The following LAMP1 variants were observed in gnomAD, a reference collection of about 807,000 sequenced individuals.
LAMP1 encodes the protein lysosome associated membrane protein 1.
LAMP1 carries 7 observed loss-of-function variants against 37.5 expected under a neutral mutation model. That is an observed-to-expected ratio of 0.19 (90% CI 0.11 to 0.35). LAMP1 has a LOEUF of 0.35. Ranked by LOEUF, LAMP1 falls within the 10% of genes least tolerant of loss-of-function variation. The probability of loss-of-function intolerance (pLI) is 1.00; values close to 1 mark genes in which losing one functional copy is unlikely to be tolerated. For missense variants in LAMP1, 537 were observed against 552.8 expected (o/e 0.97, Z 0.29); for synonymous variants, 236 against 229.1 (o/e 1.03, Z -0.27).
rs548759649 is a variant in LAMP1 at position 113,306,271 on chromosome 13, T to G, written c.62-214T>G. On this transcript the variant is annotated intron_variant, in intron 1 of 8. Coordinates refer to ENST00000332556, the MANE Select transcript of LAMP1 (RefSeq NM_005561.4). ...ACTTGGGAGGCTGAGGCAGGAGAAT[T>G]GCTTGAACCTGGGAGGTGGAGGTTG... The G allele has an allele frequency of 9.3e-5, 33 of 353,386 alleles. No homozygotes were observed. The South Asian group carries it at 1.1e-3, about 11-fold the overall frequency. The allele number at this position is 353,386 out of a possible 1,614,324, so 21.9% of individuals were successfully genotyped here. A position where few individuals can be genotyped will look rare whatever the true frequency, so the allele number is the denominator to read the frequency against.
rs1012169581 is a variant in LAMP1, at chr13:113,316,419, T to G, written c.563-3050T>G. ...GTCTCATCTCCCACCCAATTTGGCA[T>G]GATTTTTTTTTTTTTTTTTTGAGGC... is the stretch of plus-strand genomic sequence containing the variant. On this transcript the variant is annotated intron_variant, in intron 4 of 8. Transcript: ENST00000332556. Among the ~76,000 whole-genome samples the G allele has an allele frequency of 6.2e-5, 6 of 96,262 alleles. 1 individual carries two copies. The highest frequency in any genetic ancestry group is 1.7e-4 in the Admixed American group (1 of 6,014). The allele number at this position is 96,262 out of a possible 152,430, so 63.2% of individuals were successfully genotyped here.
chr13:113,321,767 A>T lies in LAMP1; in HGVS notation c.1114+40A>T, dbSNP rs1206614599. ...GGGCAGCTGTCGCGGGGTGTGGAGG[A>T]CGTGCTTCAGACTCCGCCTGTGGAC... On this transcript the variant is annotated intron_variant, in intron 8 of 8. Coordinates refer to ENST00000332556, the MANE Select transcript of LAMP1 (RefSeq NM_005561.4). The surrounding 1 kb of genome is among the most constrained non-coding windows in gnomAD (Gnocchi z 5.6). The T allele has an allele frequency of 1.2e-6, 2 of 1,601,646 alleles. No individual in the cohort carries two copies. Among genetic ancestry groups the T allele is most frequent in the Non-Finnish European group, 1.7e-6 (2 of 1,173,456 alleles).
intron 4 of LAMP1, among the ~76,000 whole-genome samples, chr13:113,316,217 C>A (rs1466888095): frequency 6.6e-6 from 1 of 152,144 alleles, no homozygotes; most frequent in Admixed American, 6.5e-5. Context: ...CCAGCCCAGG[C>A]CCATATGGGG....
intron 4 of LAMP1, 77 bp downstream of exon 4, chr13:113,310,944 C>T: frequency 1.6e-6 from 2 of 1,240,980 alleles, no homozygotes; most frequent in Non-Finnish European, 2.3e-6. Flanking sequence ...GACCTCACTG[C>T]TCTGTGTCCT....
At chr13:113,306,787 CA>C (rs1335961649) in intron 2 of LAMP1, among the ~76,000 whole-genome samples, 181 bp downstream of exon 2, 1 of 144,788 alleles carries the variant, frequency 6.9e-6, no homozygotes, top group African/African-American at 2.5e-5. Flanking sequence ...GGCACAGTAA[CA>C]AACCTGTATA....
At chr13:113,310,352 C>T (rs569160898) in intron 3 of LAMP1, among the ~76,000 whole-genome samples, 1 of 151,644 alleles carries the variant, frequency 6.6e-6, no homozygotes. Flanking sequence ...ATGGTGAAAC[C>T]CCCTCTCTAC....
In LAMP1 at chr13:113,320,322, ACTTG is replaced by A. The variant is rs1193975227; in HGVS notation, c.751-14_751-11del. 1 of 1,613,824 alleles carries A rather than the reference ACTTG, an allele frequency of 6.2e-7. No individual in the cohort carries two copies. Among genetic ancestry groups the A allele is most frequent in the Admixed American group, 1.7e-5 (1 of 59,998 alleles). ...GTGGAGGACCTGAGCTAGGGTGGTG[ACTTG>A]CTTGCTTGTCTTATGCAGACGGTGA... On this transcript the variant is annotated intron_variant, in intron 5 of 8. Coordinates refer to ENST00000332556, the MANE Select transcript of LAMP1 (RefSeq NM_005561.4). This position sits in a 1 kb window ranked among gnomAD's most constrained non-coding sequence, Gnocchi z 4.4.
chr13:113,304,221 A>G (rs1212637189), intron 1 of LAMP1, among the ~76,000 whole-genome samples: 1 of 152,242 alleles, frequency 6.6e-6, no homozygotes, highest in East Asian at 1.9e-4. Flanking sequence ...CAGCTTAATA[A>G]AAGCCAGCCT....
chr13:113,319,794 C>G (rs1422175912), intron 5 of LAMP1, 138 bp downstream of exon 5: 1 of 789,896 alleles, frequency 1.3e-6, no homozygotes, highest in African/African-American at 1.7e-5. Flanking sequence ...GGACGTGACC[C>G]TAGAGGACAA....
intron 4 of LAMP1, among the ~76,000 whole-genome samples, chr13:113,318,487 TAAAA>T (rs1446140382): frequency 6.6e-6 from 1 of 152,024 alleles, no homozygotes; most frequent in Non-Finnish European, 1.5e-5. Context: ...AACAAGGTGG[TAAAA>T]GAAAGAACCT....
chr13:113,302,467 G>A (rs1198149381), intron 1 of LAMP1, among the ~76,000 whole-genome samples: 1 of 152,254 alleles, frequency 6.6e-6, no homozygotes, highest in Non-Finnish European at 1.5e-5. Flanking sequence ...TGGGATTACA[G>A]GCTGGGATTA....
intron 4 of LAMP1, 78 bp downstream of exon 4, chr13:113,310,945 T>C (rs1283240551): frequency 7.3e-6 from 9 of 1,234,514 alleles, no homozygotes; most frequent in Middle Eastern, 4.4e-4. Flanking sequence ...ACCTCACTGC[T>C]CTGTGTCCTG....
rs374669278 is a variant in LAMP1 at position 113,321,050 on chromosome 13, G to A, written c.877-354G>A. 54 of 318,772 alleles carry A rather than the reference G, an allele frequency of 1.7e-4. No individual in the cohort carries two copies. Among genetic ancestry groups the A allele is most frequent in the Non-Finnish European group, 9.6e-5 (16 of 166,504 alleles). 19.7% of individuals were successfully genotyped at this position (318,772 alleles called of 1,614,324 possible). On this transcript the variant is annotated intron_variant, in intron 6 of 8. Coordinates refer to ENST00000332556, the MANE Select transcript of LAMP1 (RefSeq NM_005561.4). The surrounding 1 kb of genome is among the most constrained non-coding windows in gnomAD (Gnocchi z 5.6). ...AAACGAGTTAGCTGGGCGTAGTGGC[G>A]CACACCTGTGGTCCCAGCTACTTGG...
chr13:113,314,078 T>C (rs866652090), intron 4 of LAMP1, among the ~76,000 whole-genome samples: 12 of 107,112 alleles, frequency 1.1e-4, no homozygotes, highest in African/African-American at 4.2e-4. Flanking sequence ...CGTGGCCTCC[T>C]GGAGGGAACC....
chr13:113,306,680 T>A (rs1350716345), intron 2 of LAMP1, 74 bp downstream of exon 2: 1 of 1,537,632 alleles, frequency 6.5e-7, no homozygotes, highest in Non-Finnish European at 8.9e-7. Flanking sequence ...CAACCAAGTC[T>A]TTGAAAAATG....
chr13:113,322,231 T>G (rs1595465597), intron 8 of LAMP1, 51 bp from the exon 9 acceptor site: 5 of 1,559,472 alleles, frequency 3.2e-6, no homozygotes, highest in East Asian at 2.3e-5. Flanking sequence ...GAGGCCTGTT[T>G]GCAGGCCCCT....
At chr13:113,310,318 G>A (rs2139365105) in intron 3 of LAMP1, among the ~76,000 whole-genome samples, 1 of 152,160 alleles carries the variant, frequency 6.6e-6, no homozygotes, top group Non-Finnish European at 1.5e-5. Flanking sequence ...ATGAGGTCAG[G>A]AGTTCGAGAC....
In LAMP1 at chr13:113,323,446, C is replaced by G. The variant is rs887634884; in HGVS notation, c.*1025C>G. ...TCTTTTTGGGGTGGGCCTTGTCCTT[C>G]TGTCAGCTAAAATGGGAGCTCATGA... On this transcript the variant is annotated 3_prime_UTR_variant, in exon 9 of 9. Transcript: ENST00000332556. The G allele has an allele frequency of 1.3e-5, 2 of 150,966 alleles. No homozygotes were observed. Among genetic ancestry groups the G allele is most frequent in the Admixed American group, 1.3e-4 (2 of 15,070 alleles). The allele number at this position is 150,966 out of a possible 1,614,324, so 9.4% of individuals were successfully genotyped here.
rs551016615 is a variant in LAMP1, at chr13:113,321,509, G to A, written c.943+39G>A. On this transcript the variant is annotated intron_variant, in intron 7 of 8. Transcript: ENST00000332556. This position sits in a 1 kb window ranked among gnomAD's most constrained non-coding sequence, Gnocchi z 5.6. ...ATCTCTGCGAGCCCCGCCCCCGCCC[G>A]CGCGCCCAGGGTATTCTGGAGCCAC... 29 of 1,593,608 alleles carry A rather than the reference G, an allele frequency of 1.8e-5. No homozygotes were observed. The highest frequency in any genetic ancestry group is 1.2e-4 in the South Asian group (11 of 90,594).
Sources: allele counts gnomAD v4.1 joint callset (sites outside exome capture counted in the v4.1 genomes callset), GRCh38; gene constraint gnomAD v4.1.1; non-coding constraint Gnocchi (gnomAD v3.1); transcripts MANE v1.5; gene names NCBI Gene and HGNC (gene_info 2026-07-23, HGNC 2026-07-21).